PDZRN4: variants seen among roughly 807,000 people sequenced by gnomAD.
PDZRN4 encodes PDZ domain containing ring finger 4, also known as PDZ domain-containing RING finger protein 4.
In PDZRN4, 70 loss-of-function variants were observed where a neutral mutation model predicts 99.0. The observed-to-expected ratio is 0.71, with a 90% CI of 0.58 to 0.86. The LOEUF (loss-of-function observed/expected upper bound fraction) is 0.86, where lower values mean the gene tolerates loss of function less well. Among genes scored for constraint, PDZRN4 ranks in the 40% least tolerant of loss-of-function variants. PDZRN4 has a pLI of 0.00. For missense variants in PDZRN4, 1,474 were observed against 1,331.2 expected (o/e 1.11, Z -1.67); for synonymous variants, 551 against 501.6 (o/e 1.10, Z -1.32).
intron 3 of PDZRN4, among the ~76,000 whole-genome samples, chr12:41,369,924 A>G (rs1444405692): frequency 1.3e-5 from 2 of 151,904 alleles, no homozygotes; most frequent in African/African-American, 4.8e-5. Flanking sequence ...GATATTAAGC[A>G]TCTCATTTTC....
At chr12:41,563,686 T>C (rs779289551) in intron 8 of PDZRN4, 37 bp downstream of exon 8, 8 of 1,323,792 alleles carry the variant, frequency 6.0e-6, no homozygotes, top group East Asian at 2.3e-5. Context: ...GACTGAACTT[T>C]ATATTCATTG....
intron 8 of PDZRN4, among the ~76,000 whole-genome samples, chr12:41,565,444 A>G (rs1210683507): frequency 1.5e-5 from 2 of 133,842 alleles, no homozygotes; most frequent in Non-Finnish European, 3.4e-5. Context: ...GGCAAAAAAA[A>G]AACTAAAAAA....
At chr12:41,198,011 C>T (rs765517877) in intron 3 of PDZRN4, among the ~76,000 whole-genome samples, 13 of 149,730 alleles carry the variant, frequency 8.7e-5, no homozygotes, top group Admixed American at 6.1e-4. Flanking sequence ...ACCTCTGGGA[C>T]TCAAGGTATC....
At position 41,548,991 on chromosome 12, in the gene PDZRN4, G is replaced by T. The variant is rs527584544; in HGVS notation, c.1204-3665G>T. On this transcript the variant is annotated intron_variant, in intron 5 of 9. Transcript: ENST00000402685. The stretch of plus-strand genomic sequence containing the variant: ...TTTGATTTTTTTTAAAGAGACTTTA[G>T]ACGCGTCCCCAGAATAGCACGTCTT... 4.9e-4 allele frequency among the ~76,000 whole-genome samples: 74 copies of T among 152,148 alleles called. No homozygotes were observed. In the South Asian group the frequency reaches 0.015, roughly 31 times the overall value.
At chr12:41,475,685 G>T (rs1346004894) in intron 3 of PDZRN4, among the ~76,000 whole-genome samples, 1 of 152,198 alleles carries the variant, frequency 6.6e-6, no homozygotes, top group Middle Eastern at 3.4e-3. Flanking sequence ...TAATATTAGC[G>T]CTCAAATTTT....
chr12:41,271,515 A>C (rs1424980565), intron 3 of PDZRN4, among the ~76,000 whole-genome samples: 6 of 152,058 alleles, frequency 3.9e-5, no homozygotes, highest in African/African-American at 1.4e-4. Context: ...GTCTGTTTTA[A>C]CCACCTTGAA....
chr12:41,366,836 C>G (rs879348304), intron 3 of PDZRN4, among the ~76,000 whole-genome samples: 17 of 152,112 alleles, frequency 1.1e-4, no homozygotes, highest in Non-Finnish European at 2.2e-4. Flanking sequence ...TAGGAAATTG[C>G]GAATTGCATT....
At chr12:41,300,264 T>C (rs1463646939) in intron 3 of PDZRN4, among the ~76,000 whole-genome samples, 1 of 151,950 alleles carries the variant, frequency 6.6e-6, no homozygotes, top group Non-Finnish European at 1.5e-5. Flanking sequence ...TATTTATAAT[T>C]ATGCAACTTT....
rs146633195 is a variant in PDZRN4 at position 41,512,589 on chromosome 12, A to C, written c.1203+2676A>C. Among the ~76,000 whole-genome samples, 272 of 152,078 alleles carry C rather than the reference A, an allele frequency of 1.8e-3. 3 individuals carry two copies. Among genetic ancestry groups the C allele is most frequent in the African/African-American group, 6.2e-3 (258 of 41,516 alleles). On this transcript the variant is annotated intron_variant, in intron 5 of 9. Transcript: ENST00000402685. ...AGAGAAAGGAGGGTGTGTTTTGTGG[A>C]GCCTTTGGCTTTGACCATGATATAG...
intron 3 of PDZRN4, among the ~76,000 whole-genome samples, chr12:41,501,728 T>G (rs1007148812): frequency 6.6e-6 from 1 of 152,168 alleles, no homozygotes; most frequent in Non-Finnish European, 1.5e-5. Flanking sequence ...TAATTATTTT[T>G]GTATCTAAAA....
chr12:41,420,300 G>A (rs918653724), intron 3 of PDZRN4, among the ~76,000 whole-genome samples: 2 of 152,044 alleles, frequency 1.3e-5, no homozygotes, highest in Admixed American at 6.6e-5. Flanking sequence ...TCTCCCTTCA[G>A]CATCTTCAGC....
At chr12:41,192,021 G>A (rs1460035967) in intron 2 of PDZRN4, among the ~76,000 whole-genome samples, 1 of 152,008 alleles carries the variant, frequency 6.6e-6, no homozygotes, top group Admixed American at 6.6e-5. Flanking sequence ...CACCCCAAGT[G>A]ATCCACCTCA....
At chr12:41,411,983 TA>T (rs1952403570) in intron 3 of PDZRN4, 1 of 152,202 alleles carries the variant, frequency 6.6e-6, no homozygotes, top group African/African-American at 2.4e-5. Flanking sequence ...GCTATACATT[TA>T]TATATGATCT....
At chr12:41,382,619 A>G (rs1206912441) in intron 3 of PDZRN4, among the ~76,000 whole-genome samples, 1 of 152,220 alleles carries the variant, frequency 6.6e-6, no homozygotes, top group Non-Finnish European at 1.5e-5. Flanking sequence ...TTACATATGT[A>G]CTAATCAGCA....
chr12:41,480,338 T>C lies in PDZRN4; in HGVS notation c.844-26118T>C, dbSNP rs188833001. Among the ~76,000 whole-genome samples, 549 of 152,316 alleles carry C rather than the reference T, an allele frequency of 3.6e-3. 7 individuals carry two copies. Among genetic ancestry groups the C allele is most frequent in the African/African-American group, 0.012 (482 of 41,590 alleles). On this transcript the variant is annotated intron_variant, in intron 3 of 9. Coordinates refer to ENST00000402685, the MANE Select transcript of PDZRN4 (RefSeq NM_001164595.2). The stretch of plus-strand genomic sequence containing the variant: ...GGAATATTATGCATAGTCAAGTTGA[T>C]ATTTGAAATAAAATGTATTCCCACC...
chr12:41,313,645 G>A lies in PDZRN4; in HGVS notation c.843+119457G>A, dbSNP rs192817288. 2.1e-3 allele frequency among the ~76,000 whole-genome samples: 325 copies of A among 152,212 alleles called. 2 individuals are homozygous for A. The highest frequency in any genetic ancestry group is 7.0e-3 in the African/African-American group (291 of 41,528). On this transcript the variant is annotated intron_variant, in intron 3 of 9. Transcript: ENST00000402685. ...CCAAGAGAAGGAATTCTTCCTCCTC[G>A]TTGAGCCCCATCCATGGACATCAGC... is the stretch of plus-strand genomic sequence containing the variant.
rs143973329 is a variant in PDZRN4 at position 41,220,505 on chromosome 12, G to A, written c.843+26317G>A. ...AAAGGGGATGTAATTTAGCACAGAA[G>A]AGAATCCTCACTACTTAGAGGAAGG... On this transcript the variant is annotated intron_variant, in intron 3 of 9. Coordinates refer to ENST00000402685, the MANE Select transcript of PDZRN4 (RefSeq NM_001164595.2). Among the ~76,000 whole-genome samples the A allele has an allele frequency of 9.3e-4, 142 of 152,254 alleles. 2 individuals carry two copies. The East Asian group carries it at 0.026, about 27-fold the overall frequency.
chr12:41,508,623 G>T (rs1356417378), intron 4 of PDZRN4, among the ~76,000 whole-genome samples: 1 of 152,142 alleles, frequency 6.6e-6, no homozygotes, highest in South Asian at 2.1e-4. Context: ...GCCCAAAAGG[G>T]CTATGCGGAC....
intron 3 of PDZRN4, among the ~76,000 whole-genome samples, chr12:41,444,077 A>G (rs964504706): frequency 6.6e-6 from 1 of 152,092 alleles, no homozygotes; most frequent in Admixed American, 6.6e-5. Context: ...AGAGAGATTT[A>G]AAATCGGAGT....
Sources: gnomAD v4.1 joint callset for allele counts (sites outside exome capture counted in the v4.1 genomes callset) on GRCh38, gnomAD v4.1.1 for gene constraint, MANE v1.5 for transcripts, NCBI Gene and HGNC (gene_info 2026-07-23, HGNC 2026-07-21) for gene names.